The following DVL2 variants were observed in gnomAD, a reference collection of about 807,000 sequenced individuals.
DVL2 encodes the protein segment polarity protein dishevelled homolog DVL-2.
Under a neutral mutation model 69.8 loss-of-function variants are expected in DVL2, and 38 were observed. The ratio of observed to expected loss-of-function variants is 0.54; its 90% CI spans 0.42 to 0.71. DVL2 has a LOEUF of 0.71. Among genes scored for constraint, DVL2 ranks in the 30% least tolerant of loss-of-function variants. The pLI, the probability that DVL2 is intolerant of heterozygous loss-of-function variation, is 0.00. For missense variants in DVL2, 931 were observed against 1,008.1 expected (o/e 0.92, Z 1.04); for synonymous variants, 428 against 392.4 (o/e 1.09, Z -1.07).
In DVL2 at chr17:7,225,835, G is replaced by A; in HGVS notation, c.*30C>T. 6.3e-7 allele frequency: 1 copy of A among 1,597,162 alleles called. No homozygotes were observed. The highest frequency in any genetic ancestry group is 1.1e-5 in the South Asian group (1 of 90,724). ...CAGGACACCCAGTCACACACCAGGA[G>A]CGCCCGGCCCAGCCTGGCCCCACAG... On this transcript the variant is annotated 3_prime_UTR_variant, in exon 15 of 15. Coordinates refer to ENST00000005340, the MANE Select transcript of DVL2 (RefSeq NM_004422.3).
chr17:7,231,119 T>G (rs2071536375), intron 1 of DVL2, among the ~76,000 whole-genome samples: 1 of 152,166 alleles, frequency 6.6e-6, no homozygotes, highest in Admixed American at 6.5e-5. Context: ...GATACCTATC[T>G]AATGAGACTG....
chr17:7,226,265 G>T lies in DVL2; in HGVS notation c.1811C>A (p.Thr604Lys), dbSNP rs773310143. The T allele has an allele frequency of 1.2e-6, 2 of 1,602,694 alleles. No individual in the cohort carries two copies. The highest frequency in any genetic ancestry group is 1.7e-6 in the Non-Finnish European group (2 of 1,175,376). Residue 604 changes from threonine (T) to lysine (K), a missense_variant, in exon 15 of 15, where the codon ACG (threonine) becomes AAG (lysine). Around this residue, in one of 3 missense-constraint regions of DVL2, gnomAD observed 314 missense variants for 313.7 expected, o/e 1.00. Coordinates refer to ENST00000005340, the MANE Select transcript of DVL2 (RefSeq NM_004422.3). ...STRSDGGAGR[T>K]GRPEERAPES... is the part of the protein sequence containing the mutation. ...GGGGGCCCGCTCCTCGGGCCTCCCC[G>T]TGCGCCCTGCCCCCCCATCACTCCG... is the stretch of plus-strand genomic sequence containing the variant.
In DVL2 at chr17:7,227,245, T is replaced by C. The variant is rs202171326; in HGVS notation, c.1388A>G (p.Tyr463Cys). The C allele has an allele frequency of 2.6e-4, 420 of 1,612,028 alleles. 5 individuals carry two copies. The highest frequency in any genetic ancestry group is 2.2e-5 in the Non-Finnish European group (26 of 1,178,638). Residue 463 changes from tyrosine (Y) to cysteine (C), a missense_variant, in exon 13 of 15, where the codon TAC (tyrosine) becomes TGC (cysteine). Tyr to Cys is a radical substitution (Grantham distance 194). Coordinates refer to ENST00000005340, the MANE Select transcript of DVL2 (RefSeq NM_004422.3). ...FLGSDVVDWLYHHVEGFPERR... is the reference protein window; with the variant it reads ...FLGSDVVDWLCHHVEGFPERR... Reference sequence around the variant, plus strand: ...CTCAGGAAAGCCCTCCACGTGATGGTAGAGCCAGTCAACCACATCCGAGCC... The same window carrying C: ...CTCAGGAAAGCCCTCCACGTGATGGCAGAGCCAGTCAACCACATCCGAGCC...
rs1464954261 is a variant in DVL2 at position 7,226,539 on chromosome 17, C to T, written c.1644G>A (p.Leu548=). 1 of 1,608,686 alleles carries T rather than the reference C, an allele frequency of 6.2e-7. No homozygotes were observed. Among genetic ancestry groups the T allele is most frequent in the Non-Finnish European group, 8.5e-7 (1 of 1,177,666 alleles). ...PLPGATPWPL[L]PTFSYQYPAP... ...CAGGGTATTGGTAGGAGAAAGTGGG[C>T]AGCAGGGGCCAGGGGGTGGCCCCAG... Residue 548 remains leucine (L), a synonymous_variant, in exon 14 of 15, where the codon CTG becomes CTA. Transcript: ENST00000005340.
chr17:7,230,661 C>T, intron 2 of DVL2, 67 bp downstream of exon 2: 23 of 1,518,076 alleles, frequency 1.5e-5, no homozygotes, highest in Non-Finnish European at 2.1e-5. Context: ...GATACAGAAA[C>T]AGACTGAGGC....
chr17:7,228,701 C>T, intron 9 of DVL2: 1 of 427,030 alleles, frequency 2.3e-6, no homozygotes, highest in Non-Finnish European at 4.3e-6. Context: ...CCTGTCTCAG[C>T]CACCTCACTA....
At chr17:7,233,097 A>AAAAAAAAAAAAAAAAAAAC in intron 1 of DVL2, among the ~76,000 whole-genome samples, 1 of 149,674 alleles carries the variant, frequency 6.7e-6, no homozygotes, top group Non-Finnish European at 1.5e-5. Flanking sequence ...CAAAAAAAAA[A>AAAAAAAAAAAAAAAAAAAC]AAAAAAAAAA....
rs2071437445 is a variant in DVL2, at chr17:7,225,973, G to A, written c.2103C>T (p.Ala701=). The change falls in exon 15 of 15, where the codon GCC becomes GCT. Residue 701 remains alanine (A), a synonymous_variant. Transcript: ENST00000005340. ...PVPPAVQPPG[A]PPVRDLGSVP... is the part of the protein sequence containing the mutation. Reference sequence around the variant, plus strand: ...CAGAGCCCAGGTCTCTGACTGGAGGGGCCCCCGGAGGCTGCACTGCTGGAG... The same window carrying A: ...CAGAGCCCAGGTCTCTGACTGGAGGAGCCCCCGGAGGCTGCACTGCTGGAG... 1.9e-6 allele frequency: 3 copies of A among 1,613,726 alleles called. No individual in the cohort carries two copies. Among genetic ancestry groups the A allele is most frequent in the East Asian group, 4.5e-5 (2 of 44,872 alleles).
rs2071425545 is a variant in DVL2, at chr17:7,225,379, A to C, written c.*486T>G. 2 of 524,898 alleles carry C rather than the reference A, an allele frequency of 3.8e-6. No homozygotes were observed. The highest frequency in any genetic ancestry group is 6.9e-6 in the Non-Finnish European group (2 of 291,076). The allele number at this position is 524,898 out of a possible 1,614,324, so 32.5% of individuals were successfully genotyped here. On this transcript the variant is annotated 3_prime_UTR_variant, in exon 15 of 15. Transcript: ENST00000005340. ...ATTGCTTTATTTGGTGTTTTATACA[A>C]GTGACTAAAATAAATAGAGTAACAA...
intron 1 of DVL2, among the ~76,000 whole-genome samples, chr17:7,232,170 A>G (rs2071552308): frequency 6.6e-6 from 1 of 152,218 alleles, no homozygotes; most frequent in African/African-American, 2.4e-5. Flanking sequence ...CTGACACTTA[A>G]GCATTAACAA....
intron 13 of DVL2, 134 bp downstream of exon 13, chr17:7,226,956 G>C (rs1338078445): frequency 1.1e-6 from 1 of 895,054 alleles, no homozygotes; most frequent in African/African-American, 1.7e-5. Flanking sequence ...GCCAGTGCAG[G>C]ACCTAGTGCG....
Position 7,227,089 on chromosome 17 carries a change from C to G in DVL2, c.1543+1G>C. On this transcript the variant is annotated splice_donor_variant, in intron 13 of 14. Coordinates refer to ENST00000005340, the MANE Select transcript of DVL2 (RefSeq NM_004422.3). LOFTEE classifies it high-confidence loss of function. ...CCCAGAGTTGGGGCAGGGGGACTTA[C>G]AGCTCTCACAGCCACCACTGAGGTC... is the stretch of plus-strand genomic sequence containing the variant. The G allele has an allele frequency of 6.2e-7, 1 of 1,604,912 alleles. No homozygotes were observed. The highest frequency in any genetic ancestry group is 8.5e-7 in the Non-Finnish European group (1 of 1,175,390).
At position 7,225,812 on chromosome 17, in the gene DVL2, G is replaced by T; in HGVS notation, c.*53C>A. On this transcript the variant is annotated 3_prime_UTR_variant, in exon 15 of 15. Transcript: ENST00000005340. ...TGTAAGAGCAAGCACATGACGGCCAGGACACCCAGTCACACACCAGGAGCG... is the reference window on the plus strand; with the variant it reads ...TGTAAGAGCAAGCACATGACGGCCATGACACCCAGTCACACACCAGGAGCG... 1 of 1,496,398 alleles carries T rather than the reference G, an allele frequency of 6.7e-7. No homozygotes were observed. Among genetic ancestry groups the T allele is most frequent in the South Asian group, 1.1e-5 (1 of 88,696 alleles). 92.7% of individuals were successfully genotyped at this position (1,496,398 alleles called of 1,614,324 possible).
rs146828816 is a variant in DVL2, at chr17:7,229,389, G to C, written c.806C>G (p.Thr269Arg). The C allele has an allele frequency of 1.9e-5, 30 of 1,613,958 alleles. 1 individual carries two copies. In the Middle Eastern group the frequency reaches 6.6e-4, roughly 35 times the overall value. ...GGCTCTCCCCATACCCATGTTTAGC[G>C]TGACTGTGATGATATTGAGAGACAT... ...STMSLNIITV[T>R]LNMEKYNFLG... Residue 269 changes from threonine to arginine, a missense_variant, in exon 7 of 15, where the codon ACG (threonine) becomes AGG (arginine). By Grantham distance (71) the Thr-to-Arg change is moderately conservative. This residue lies in a region of DVL2 where 555 missense variants were observed against 588.8 expected (regional missense o/e 0.94). Coordinates refer to ENST00000005340, the MANE Select transcript of DVL2 (RefSeq NM_004422.3). The surrounding 1 kb of genome is among the most constrained non-coding windows in gnomAD (Gnocchi z 4.4).
Position 7,230,387 on chromosome 17 carries a change from A to C in DVL2, c.308T>G (p.Val103Gly). The C allele has an allele frequency of 6.2e-7, 1 of 1,614,100 alleles. No homozygotes were observed. Among genetic ancestry groups the C allele is most frequent in the Non-Finnish European group, 8.5e-7 (1 of 1,180,008 alleles). ...CGCCAGTTCTGCCCGAGGCTCATGG[A>C]CTGGAGGGGCCATCTCGGGTTGGGG... ...DNPQPEMAPP[V>G]HEPRAELAPP... is the part of the protein sequence containing the mutation. Residue 103 changes from valine (V) to glycine (G), a missense_variant, in exon 3 of 15, where the codon GTC (valine) becomes GGC (glycine). Physicochemically the swap from Val to Gly is moderately radical, Grantham distance 109 (BLOSUM62 -3). This residue lies in a region of DVL2 where 555 missense variants were observed against 588.8 expected (regional missense o/e 0.94). Transcript: ENST00000005340.
rs149736410 is a variant in DVL2 at position 7,234,105 on chromosome 17, G to C, written c.158C>G (p.Ala53Gly). ...FKSVLQRPAGAKYFFKSMDQD... is the reference protein window; with the variant it reads ...FKSVLQRPAGGKYFFKSMDQD... ...ATCCATAGACTTGAAAAAGTACTTGGCGCCCGCGGGCCGCTGCAGGACGCT... is the reference window on the plus strand; with the variant it reads ...ATCCATAGACTTGAAAAAGTACTTGCCGCCCGCGGGCCGCTGCAGGACGCT... The change falls in exon 1 of 15, where the codon GCC becomes GGC. Residue 53 changes from alanine to glycine, a missense_variant. Physicochemically the swap from Ala to Gly is moderately conservative, Grantham distance 60 (BLOSUM62 0). Coordinates refer to ENST00000005340, the MANE Select transcript of DVL2 (RefSeq NM_004422.3). 6.2e-6 allele frequency: 10 copies of C among 1,614,010 alleles called. No individual in the cohort carries two copies. The highest frequency in any genetic ancestry group is 1.3e-5 in the African/African-American group (1 of 74,908).
rs748012098 is a variant in DVL2 at position 7,233,383 on chromosome 17, T to G, written c.194+686A>C. On this transcript the variant is annotated intron_variant, in intron 1 of 14. Coordinates refer to ENST00000005340, the MANE Select transcript of DVL2 (RefSeq NM_004422.3). ...CCGAGTGCTCCAATAAAACCAAGTC[T>G]TGCCCCAAGAGAAACCAGGATTAAC... is the stretch of plus-strand genomic sequence containing the variant. Among the ~76,000 whole-genome samples the G allele has an allele frequency of 6.6e-5, 10 of 152,148 alleles. No homozygotes were observed. The East Asian group carries it at 1.9e-3, about 29-fold the overall frequency.
At chr17:7,231,603 C>T (rs1457384087) in intron 1 of DVL2, among the ~76,000 whole-genome samples, 1 of 151,850 alleles carries the variant, frequency 6.6e-6, no homozygotes, top group Non-Finnish European at 1.5e-5. Context: ...TGACTCACAC[C>T]TGTAATCCCA....
chr17:7,228,961 C>T lies in DVL2; in HGVS notation c.1034+8G>A. 6.2e-7 allele frequency: 1 copy of T among 1,613,860 alleles called. No individual in the cohort carries two copies. Among genetic ancestry groups the T allele is most frequent in the Non-Finnish European group, 8.5e-7 (1 of 1,179,822 alleles). On this transcript the variant is annotated splice_region_variant and intron_variant, in intron 9 of 14. Coordinates refer to ENST00000005340, the MANE Select transcript of DVL2 (RefSeq NM_004422.3). ...GACTGAGGACCGGCAACCTGCTTGG[C>T]AACTCACCCAGGCTTGTGCACAATG...
Sources: allele counts gnomAD v4.1 joint callset (sites outside exome capture counted in the v4.1 genomes callset), GRCh38; gene constraint gnomAD v4.1.1; regional missense constraint gnomAD v4.1.1; non-coding constraint Gnocchi (gnomAD v3.1); transcripts MANE v1.5; gene names NCBI Gene and HGNC (gene_info 2026-07-23, HGNC 2026-07-21).